The following STXBP5L variants were observed in gnomAD, a reference collection of about 807,000 sequenced individuals.
STXBP5L encodes the protein syntaxin binding protein 5L.
STXBP5L carries 65 observed loss-of-function variants against 144.5 expected under a neutral mutation model. That is an observed-to-expected ratio of 0.45 (90% CI 0.37 to 0.55). The LOEUF is 0.55. Ranked by LOEUF, STXBP5L falls within the 20% of genes least tolerant of loss-of-function variation. The pLI is 0.00. For missense variants in STXBP5L, 1,298 were observed against 1,405.5 expected (o/e 0.92, Z 1.22); for synonymous variants, 505 against 469.6 (o/e 1.08, Z -0.97).
In STXBP5L at chr3:121,318,501, G is replaced by A; in HGVS notation, c.2137G>A (p.Val713Ile). The change falls in exon 20 of 27, where the codon GTT (valine) becomes ATT (isoleucine). Residue 713 changes from valine (V) to isoleucine (I), a missense_variant. Coordinates refer to ENST00000471454, the MANE Select transcript of STXBP5L (RefSeq NM_001308330.2). ...AGLTELNDSP[V>I]PLELERCKSP... Reference sequence around the variant, plus strand: ...TTTAACTGAACTGAATGACAGTCCAGTTCCCCTAGAACTTGAGCGCTGCAA... The same window carrying A: ...TTTAACTGAACTGAATGACAGTCCAATTCCCCTAGAACTTGAGCGCTGCAA... 1 of 1,562,656 alleles carries A rather than the reference G, an allele frequency of 6.4e-7. No individual in the cohort carries two copies.
intron 10 of STXBP5L, among the ~76,000 whole-genome samples, chr3:121,215,411 C>T (rs1053729352): frequency 5.3e-5 from 8 of 152,160 alleles, no homozygotes; most frequent in Non-Finnish European, 1.2e-4. Flanking sequence ...GTGGCAAAAT[C>T]TCTCAGCATT....
intron 5 of STXBP5L, among the ~76,000 whole-genome samples, chr3:121,093,595 A>G (rs1417735924): frequency 6.6e-6 from 1 of 152,004 alleles, no homozygotes; most frequent in African/African-American, 2.4e-5. Flanking sequence ...GGTAGTTTAT[A>G]TTTCTGTGGG....
intron 18 of STXBP5L, among the ~76,000 whole-genome samples, chr3:121,263,587 G>A (rs2050456256): frequency 6.6e-6 from 1 of 152,068 alleles, no homozygotes; most frequent in Admixed American, 6.6e-5. Flanking sequence ...AAGGTTAGAG[G>A]AACAGCTAAG....
chr3:121,062,322 C>T (rs937449535), intron 5 of STXBP5L, among the ~76,000 whole-genome samples: 1 of 152,146 alleles, frequency 6.6e-6, no homozygotes, highest in Admixed American at 6.5e-5. Context: ...ATTTTCCCCC[C>T]ACTTTCTTCT....
At chr3:120,912,382 G>A (rs1484868751) in intron 2 of STXBP5L, among the ~76,000 whole-genome samples, 1 of 151,882 alleles carries the variant, frequency 6.6e-6, no homozygotes, top group Non-Finnish European at 1.5e-5. Context: ...ACAAAAAAAT[G>A]TGGCAACTCA....
At chr3:121,360,415 T>A (rs554936866) in intron 20 of STXBP5L, among the ~76,000 whole-genome samples, 1 of 152,026 alleles carries the variant, frequency 6.6e-6, no homozygotes, top group East Asian at 1.9e-4. Flanking sequence ...TCTTGGTAAG[T>A]AAGGACTTAC....
intron 24 of STXBP5L, among the ~76,000 whole-genome samples, chr3:121,414,486 A>G (rs2047188622): frequency 6.6e-6 from 1 of 152,328 alleles, no homozygotes; most frequent in Middle Eastern, 3.4e-3. Flanking sequence ...GCCCAATTCT[A>G]ACCCACTGGA....
intron 5 of STXBP5L, among the ~76,000 whole-genome samples, chr3:121,077,729 G>A (rs1576872923): frequency 1.3e-5 from 2 of 152,136 alleles, no homozygotes; most frequent in East Asian, 3.9e-4. Context: ...CCCTGAGCTA[G>A]ACACAAAGGT....
At chr3:121,264,357 GT>G (rs1202107330) in intron 18 of STXBP5L, among the ~76,000 whole-genome samples, 1 of 151,974 alleles carries the variant, frequency 6.6e-6, no homozygotes, top group African/African-American at 2.4e-5. Context: ...AATCAAACAA[GT>G]TATATGTTTC....
chr3:121,207,996 G>A (rs1200226542), intron 10 of STXBP5L, among the ~76,000 whole-genome samples: 1 of 152,212 alleles, frequency 6.6e-6, no homozygotes, highest in Admixed American at 6.5e-5. Context: ...TATACCCAAA[G>A]GATTATAAAT....
At chr3:121,093,383 C>T (rs1051421635) in intron 5 of STXBP5L, among the ~76,000 whole-genome samples, 1 of 152,158 alleles carries the variant, frequency 6.6e-6, no homozygotes, top group Non-Finnish European at 1.5e-5. Context: ...TAGAATTCGG[C>T]TGTGAATCCA....
intron 5 of STXBP5L, among the ~76,000 whole-genome samples, chr3:121,102,958 A>G (rs2043505159): frequency 6.6e-6 from 1 of 152,186 alleles, no homozygotes; most frequent in Admixed American, 6.5e-5. Context: ...AATACCCCAC[A>G]TAACTAATCA....
chr3:121,056,370 T>A (rs993528884), intron 5 of STXBP5L, among the ~76,000 whole-genome samples: 7 of 152,128 alleles, frequency 4.6e-5, no homozygotes, highest in African/African-American at 7.2e-5. Context: ...ACCCTTAAAT[T>A]ATCTGTACTT....
At chr3:121,006,035 T>G (rs145468052) in intron 3 of STXBP5L, among the ~76,000 whole-genome samples, 1 of 152,118 alleles carries the variant, frequency 6.6e-6, no homozygotes, top group African/African-American at 2.4e-5. Flanking sequence ...TCTGATGATT[T>G]GGGGTGGAGA....
rs554116979 is a variant in STXBP5L at position 121,311,872 on chromosome 3, C to T, written c.2111-6603C>T. 5.7e-3 allele frequency among the ~76,000 whole-genome samples: 872 copies of T among 152,244 alleles called. 11 individuals carry two copies. Among genetic ancestry groups the T allele is most frequent in the African/African-American group, 0.019 (784 of 41,532 alleles). On this transcript the variant is annotated intron_variant, in intron 19 of 26. Coordinates refer to ENST00000471454, the MANE Select transcript of STXBP5L (RefSeq NM_001308330.2). ...AAGTTCATATGGAACCAAAAAAGAGCCCGCATCACCAAGTCAATCCTAAGC... is the reference window on the plus strand; with the variant it reads ...AAGTTCATATGGAACCAAAAAAGAGTCCGCATCACCAAGTCAATCCTAAGC...
At chr3:121,038,620 G>C (rs1366719871) in intron 3 of STXBP5L, among the ~76,000 whole-genome samples, 1 of 151,866 alleles carries the variant, frequency 6.6e-6, no homozygotes, top group Non-Finnish European at 1.5e-5. Flanking sequence ...CAAGTTGGTT[G>C]ATAGCCTTTT....
chr3:121,024,461 G>A (rs1945787220), intron 3 of STXBP5L, among the ~76,000 whole-genome samples: 1 of 152,050 alleles, frequency 6.6e-6, no homozygotes, highest in African/African-American at 2.4e-5. Context: ...TCTACTCTTG[G>A]TGTTTGAAAT....
intron 2 of STXBP5L, among the ~76,000 whole-genome samples, chr3:120,920,187 A>G (rs1486998639): frequency 2.0e-5 from 3 of 151,780 alleles, no homozygotes; most frequent in African/African-American, 7.2e-5. Flanking sequence ...TTATTCACCA[A>G]TTTCTTTTTG....
chr3:121,021,970 T>A (rs1456811407), intron 3 of STXBP5L, among the ~76,000 whole-genome samples: 1 of 151,522 alleles, frequency 6.6e-6, no homozygotes, highest in Middle Eastern at 3.2e-3. Context: ...AAAGACAAAT[T>A]AAACAAAAAC....
Sources: allele counts gnomAD v4.1 joint callset (sites outside exome capture counted in the v4.1 genomes callset), GRCh38; gene constraint gnomAD v4.1.1; transcripts MANE v1.5; gene names NCBI Gene and HGNC (gene_info 2026-07-23, HGNC 2026-07-21).